Variants in LARGE1 observed in about 807,000 individuals in gnomAD.
The protein encoded by LARGE1 is xylosyl- and glucuronyltransferase LARGE1.
A neutral mutation model predicts 87.6 loss-of-function variants in LARGE1; 43 were observed. The ratio of observed to expected loss-of-function variants is 0.49; its 90% CI spans 0.38 to 0.63. The LOEUF (loss-of-function observed/expected upper bound fraction) is 0.63, where lower values mean the gene tolerates loss of function less well. LARGE1 is among the 30% of genes least tolerant of loss of function. The pLI is 0.00. For synonymous variants in LARGE1, 434 were observed against 394.6 expected, an observed-to-expected ratio of 1.10 and a Z score of -1.18; for missense variants, 802 against 1,000.2, an observed-to-expected ratio of 0.80 and a Z score of 2.67.
At chr22:33,147,385 G>C in the LARGE1 span, among the ~76,000 whole-genome samples, 2 of 152,110 alleles carry the variant, frequency 1.3e-5, no homozygotes, top group Non-Finnish European at 2.9e-5. Context: ...GAGTGATCTA[G>C]TTGGGCCTCA....
rs139386915 is a variant in LARGE1 at position 33,404,047 on chromosome 22, T to G, written c.893-19743A>C. The stretch of plus-strand genomic sequence containing the variant: ...GAAATCATAGTCCTCGGGAAGCCTA[T>G]GTGCTAACAGAAGAGGGATAAACAA... On this transcript the variant is annotated intron_variant, in intron 7 of 14. Transcript: ENST00000397394. Among the ~76,000 whole-genome samples the G allele has an allele frequency of 5.5e-3, 832 of 152,324 alleles. 4 individuals are homozygous for G. The highest frequency in any genetic ancestry group is 0.019 in the African/African-American group (791 of 41,564).
chr22:33,090,468 G>A, the LARGE1 span, among the ~76,000 whole-genome samples: 5 of 152,250 alleles, frequency 3.3e-5, no homozygotes, highest in African/African-American at 1.2e-4. Context: ...CTTGGAGGAG[G>A]TCGCAAGATA....
chr22:33,625,264 C>T (rs955691004), intron 4 of LARGE1, among the ~76,000 whole-genome samples: 6 of 152,172 alleles, frequency 3.9e-5, no homozygotes, highest in Non-Finnish European at 7.4e-5. Flanking sequence ...ACCATGAACA[C>T]CATTCTGGAT....
chr22:33,125,714 G>T, the LARGE1 span, among the ~76,000 whole-genome samples: 1 of 151,960 alleles, frequency 6.6e-6, no homozygotes, highest in African/African-American at 2.4e-5. Context: ...CAAAGTCCTG[G>T]GATTACAGGT....
Position 33,683,208 on chromosome 22 carries a change from G to A in LARGE1, c.107-32540C>T, listed in dbSNP as rs546984467. Among the ~76,000 whole-genome samples the A allele has an allele frequency of 9.8e-5, 15 of 152,318 alleles. No homozygotes were observed. In the South Asian group the frequency reaches 2.9e-3, roughly 29 times the overall value. Reference sequence around the variant, plus strand: ...GATGAGATTAACATTTGATTTGGTAGAATGAATAAAGAAGATTGCCCTCCC... The same window carrying A: ...GATGAGATTAACATTTGATTTGGTAAAATGAATAAAGAAGATTGCCCTCCC... On this transcript the variant is annotated intron_variant, in intron 2 of 14. Transcript: ENST00000397394.
At chr22:33,898,712 C>T (rs2065209973) in intron 1 of LARGE1, among the ~76,000 whole-genome samples, 1 of 152,180 alleles carries the variant, frequency 6.6e-6, no homozygotes, top group African/African-American at 2.4e-5. Context: ...CGAGATTGTG[C>T]CATTGCACTC....
At chr22:33,066,806 T>C in the LARGE1 span, among the ~76,000 whole-genome samples, 3 of 152,188 alleles carry the variant, frequency 2.0e-5, no homozygotes, top group African/African-American at 4.8e-5. Flanking sequence ...TTGTACCCTG[T>C]GTGTTGCGGG....
At chr22:33,775,575 G>A (rs1203530683) in intron 1 of LARGE1, among the ~76,000 whole-genome samples, 1 of 152,206 alleles carries the variant, frequency 6.6e-6, no homozygotes, top group African/African-American at 2.4e-5. Context: ...GGGTTGGCGG[G>A]GCTCAGTGGC....
At chr22:33,233,828 T>C (rs1343843247) in intron 11 of LARGE1, among the ~76,000 whole-genome samples, 1 of 152,208 alleles carries the variant, frequency 6.6e-6, no homozygotes, top group Non-Finnish European at 1.5e-5. Flanking sequence ...CAAGATGATC[T>C]CTCTCCTTGA....
At chr22:33,526,352 G>A (rs1008132597) in intron 6 of LARGE1, among the ~76,000 whole-genome samples, 7 of 152,316 alleles carry the variant, frequency 4.6e-5, no homozygotes, top group South Asian at 4.1e-4. Context: ...GCCTGTTTTC[G>A]CCACAGATGA....
chr22:33,578,580 G>A (rs893631805), intron 5 of LARGE1, among the ~76,000 whole-genome samples: 1 of 152,172 alleles, frequency 6.6e-6, no homozygotes, highest in African/African-American at 2.4e-5. Flanking sequence ...CAATTTACAA[G>A]TATCTTTTAA....
chr22:33,851,568 C>T (rs914306835), intron 1 of LARGE1, among the ~76,000 whole-genome samples: 8 of 152,218 alleles, frequency 5.3e-5, no homozygotes, highest in Non-Finnish European at 8.8e-5. Flanking sequence ...ACTATGCCAC[C>T]GGCTCCAGTT....
At chr22:33,309,125 G>T (rs903759648) in intron 11 of LARGE1, among the ~76,000 whole-genome samples, 6 of 151,816 alleles carry the variant, frequency 4.0e-5, no homozygotes, top group Non-Finnish European at 8.8e-5. Flanking sequence ...TGATTGGGGG[G>T]TGATTAGGTC....
At chr22:33,203,101 C>G (rs5007852) in intron 11 of LARGE1, among the ~76,000 whole-genome samples, 39,187 of 107,416 alleles carry the variant, frequency 0.36, 6,199 homozygotes, top group African/African-American at 0.5. Context: ...CTCTCTCTCT[C>G]TGTGTGTGTG....
At chr22:33,218,049 C>A (rs1925289343) in intron 11 of LARGE1, among the ~76,000 whole-genome samples, 1 of 152,092 alleles carries the variant, frequency 6.6e-6, no homozygotes, top group Non-Finnish European at 1.5e-5. Flanking sequence ...CCTGCCTCAG[C>A]CTCCCAAGCA....
intron 6 of LARGE1, among the ~76,000 whole-genome samples, chr22:33,479,662 T>G (rs1057279733): frequency 1.3e-5 from 2 of 152,150 alleles, no homozygotes; most frequent in Non-Finnish European, 2.9e-5. Context: ...CTTCCTGATC[T>G]GTTTGTTCCC....
At chr22:33,724,435 G>A (rs963447411) in intron 2 of LARGE1, among the ~76,000 whole-genome samples, 3 of 152,148 alleles carry the variant, frequency 2.0e-5, no homozygotes, top group Non-Finnish European at 4.4e-5. Context: ...GGGGGTGGAG[G>A]TGGAAGTGGG....
chr22:33,374,703 C>T (rs998014986), intron 9 of LARGE1, among the ~76,000 whole-genome samples: 5 of 152,114 alleles, frequency 3.3e-5, no homozygotes, highest in African/African-American at 1.2e-4. Context: ...ATGCTAAATG[C>T]TGTCAAATAA....
At chr22:33,720,922 C>T (rs996656224) in intron 2 of LARGE1, among the ~76,000 whole-genome samples, 1 of 152,220 alleles carries the variant, frequency 6.6e-6, no homozygotes, top group Non-Finnish European at 1.5e-5. Flanking sequence ...CAGGAATGCC[C>T]TCCTCAAGCA....
Sources: allele counts gnomAD v4.1 joint callset (sites outside exome capture counted in the v4.1 genomes callset), GRCh38; gene constraint gnomAD v4.1.1; transcripts MANE v1.5; gene names NCBI Gene and HGNC (gene_info 2026-07-23, HGNC 2026-07-21).